NUP160: variants seen among roughly 807,000 people sequenced by gnomAD.
NUP160 encodes nucleoporin 160.
Under a neutral mutation model 196.9 loss-of-function variants are expected in NUP160, and 94 were observed. The ratio of observed to expected loss-of-function variants is 0.48; its 90% CI spans 0.40 to 0.57. NUP160 has a LOEUF of 0.57. Among genes scored for constraint, NUP160 ranks in the 20% least tolerant of loss-of-function variants. The pLI is 0.00. For synonymous variants in NUP160, 605 were observed against 619.7 expected (o/e 0.98, Z 0.35); for missense variants, 1,638 against 1,748.3 (o/e 0.94, Z 1.13).
intron 27 of NUP160, among the ~76,000 whole-genome samples, chr11:47,797,404 A>G (rs2097671493): frequency 6.6e-6 from 1 of 151,722 alleles, no homozygotes; most frequent in Non-Finnish European, 1.5e-5. Context: ...ACATATGGCT[A>G]ATTTTTGTAT....
intron 18 of NUP160, among the ~76,000 whole-genome samples, chr11:47,807,653 G>A (rs76105516): frequency 2.3e-3 from 348 of 151,368 alleles, no homozygotes; most frequent in African/African-American, 8.1e-3. Context: ...GGCAACAAGA[G>A]CGAAACTCCA....
chr11:47,814,169 A>AAAC (rs1377750757), intron 13 of NUP160, among the ~76,000 whole-genome samples: 557 of 139,668 alleles, frequency 4.0e-3, no homozygotes, highest in East Asian at 0.019. Flanking sequence ...AACAAACAAA[A>AAAC]AAAAGAAACA....
In NUP160 at chr11:47,786,527, C is replaced by T. The variant is rs150441462; in HGVS notation, c.3774G>A (p.Glu1258=). ...AGGCCCAGGCTTCTGCTTGTGCTGC[C>T]TCTCCTCCAAATTGCAATTTGATGC... Residue 1258 remains glutamate (E), a synonymous_variant, in exon 32 of 36, where the codon GAG becomes GAA. Coordinates refer to ENST00000378460, the Ensembl canonical transcript of NUP160. The T allele has an allele frequency of 2.0e-5, 33 of 1,613,806 alleles. No individual in the cohort carries two copies. In the African/African-American group the frequency reaches 3.9e-4, roughly 19 times the overall value.
intron 6 of NUP160, among the ~76,000 whole-genome samples, chr11:47,836,036 C>T (rs570879070): frequency 4.6e-5 from 7 of 152,162 alleles, no homozygotes; most frequent in Admixed American, 1.3e-4. Flanking sequence ...AACCTGAGGT[C>T]AGGAGTTCGA....
rs553170036 is a variant in NUP160 at position 47,798,260 on chromosome 11, A to T, written c.2994T>A (p.Ala998=). ...GTTTGAAAATACATGTCCTTAGAGT[A>T]GCCTAAATATCAAATGTAGATCAAA... The change falls in exon 25 of 36, where the codon GCT becomes GCA. Residue 998 remains alanine, a splice_region_variant and synonymous_variant. Transcript: ENST00000378460. The T allele has an allele frequency of 3.0e-5, 48 of 1,602,148 alleles. No homozygotes were observed. In the South Asian group the frequency reaches 4.8e-4, roughly 16 times the overall value.
At chr11:47,783,857 A>G (rs1314081982) in intron 33 of NUP160, among the ~76,000 whole-genome samples, 1 of 151,920 alleles carries the variant, frequency 6.6e-6, no homozygotes, top group Non-Finnish European at 1.5e-5. Context: ...TCACATCCAG[A>G]TAATTTTTGT....
intron 18 of NUP160, among the ~76,000 whole-genome samples, chr11:47,807,774 G>A (rs1356150987): frequency 1.3e-5 from 2 of 152,072 alleles, no homozygotes; most frequent in African/African-American, 4.8e-5. Context: ...CTTTCCTTCT[G>A]GTTTCATCGT....
At chr11:47,795,366 A>G (rs1256351053) in intron 27 of NUP160, among the ~76,000 whole-genome samples, 1 of 152,182 alleles carries the variant, frequency 6.6e-6, no homozygotes, top group Admixed American at 6.6e-5. Flanking sequence ...GCAGGTTGAT[A>G]TAATGTTATT....
chr11:47,782,289 T>TTAAAAAAAAAAAAAAAA (rs1213922075), intron 34 of NUP160, among the ~76,000 whole-genome samples: 1 of 31,874 alleles, frequency 3.1e-5, no homozygotes, highest in African/African-American at 4.6e-4. Context: ...AAAACTCAGT[T>TTAAAAAAAAAAAAAAAA]AAAAAAAAAA....
At position 47,813,683 on chromosome 11, in the gene NUP160, A is replaced by G. The variant is rs374432845; in HGVS notation, c.1687-268T>C. Among the ~76,000 whole-genome samples, 5 of 151,512 alleles carry G rather than the reference A, an allele frequency of 3.3e-5. No individual in the cohort carries two copies. The South Asian group carries it at 1.0e-3, about 32-fold the overall frequency. On this transcript the variant is annotated intron_variant, in intron 13 of 35. Transcript: ENST00000378460. ...CATCTCTAAAAAAAAAAAATTAGCC[A>G]AGTGTGGTGGCACACAGCTTTAATT...
chr11:47,804,392 T>C (rs765595398), intron 21 of NUP160, 157 bp downstream of exon 21: 3 of 571,476 alleles, frequency 5.2e-6, no homozygotes, highest in Non-Finnish European at 6.1e-6. Flanking sequence ...CAGGATGGTA[T>C]AGAAATAGAG....
intron 32 of NUP160, among the ~76,000 whole-genome samples, chr11:47,786,217 G>A (rs1466261968): frequency 1.3e-5 from 2 of 152,190 alleles, no homozygotes; most frequent in Non-Finnish European, 2.9e-5. Flanking sequence ...ATATGAAACA[G>A]TAAGTCTTTG....
intron 23 of NUP160, among the ~76,000 whole-genome samples, chr11:47,798,879 G>C (rs2097672457): frequency 6.6e-6 from 1 of 150,956 alleles, no homozygotes; most frequent in Non-Finnish European, 1.5e-5. Context: ...ACTTGTTGAG[G>C]CTGGGTCTGG....
intron 20 of NUP160, among the ~76,000 whole-genome samples, chr11:47,804,955 A>G (rs940208624): frequency 3.9e-5 from 6 of 152,120 alleles, no homozygotes; most frequent in African/African-American, 1.2e-4. Flanking sequence ...TGGGCAACAC[A>G]TAAGAGTCCT....
At chr11:47,790,960 T>C (rs1400542960) in intron 29 of NUP160, among the ~76,000 whole-genome samples, 1 of 152,198 alleles carries the variant, frequency 6.6e-6, no homozygotes. Context: ...TTTACCTTCC[T>C]TTTGCTTTAA....
chr11:47,839,429 T>C (rs148104222), intron 4 of NUP160: 368 of 172,812 alleles, frequency 2.1e-3, no homozygotes, highest in African/African-American at 8.1e-3. Flanking sequence ...GAGAAGTGTC[T>C]GAAGAGGGTT....
intron 29 of NUP160, among the ~76,000 whole-genome samples, chr11:47,791,636 C>A (rs903745027): frequency 5.9e-5 from 9 of 152,114 alleles, no homozygotes; most frequent in Non-Finnish European, 1.3e-4. Flanking sequence ...CCACCACACC[C>A]GGCTTCCTTA....
At chr11:47,821,658 C>T (rs1851860271) in intron 9 of NUP160, 66 bp downstream of exon 9, 2 of 1,195,090 alleles carry the variant, frequency 1.7e-6, no homozygotes, top group Non-Finnish European at 1.2e-6. Context: ...CGGCGCCCGG[C>T]CTCTCGTCTT....
exon 14 of NUP160, chr11:47,813,341 T>A (rs146815434): frequency 6.2e-7 from 1 of 1,608,034 alleles, no homozygotes; most frequent in Non-Finnish European, 8.5e-7. Flanking sequence ...TCTCATCTTC[T>A]GTCAAAAGGT....
Sources: allele counts gnomAD v4.1 joint callset (sites outside exome capture counted in the v4.1 genomes callset), GRCh38; gene constraint gnomAD v4.1.1; transcripts MANE v1.5; gene names NCBI Gene and HGNC (gene_info 2026-07-23, HGNC 2026-07-21).